Variants in MKLN1 observed in about 807,000 individuals in gnomAD.
The protein encoded by MKLN1 is muskelin.
MKLN1 carries 18 observed loss-of-function variants against 99.0 expected under a neutral mutation model. The ratio of observed to expected loss-of-function variants is 0.18; its 90% confidence interval spans 0.13 to 0.27. MKLN1 has a LOEUF of 0.27. MKLN1 is among the 10% of genes least tolerant of loss of function. MKLN1 has a pLI of 1.00. For missense variants in MKLN1, 621 were observed against 875.9 expected, an observed-to-expected ratio of 0.71 and a Z score of 3.67; for synonymous variants, 288 against 293.2, an observed-to-expected ratio of 0.98 and a Z score of 0.18.
At chr7:131,450,558 C>G (rs570227059) in intron 12 of MKLN1, among the ~76,000 whole-genome samples, 1 of 152,258 alleles carries the variant, frequency 6.6e-6, no homozygotes, top group South Asian at 2.1e-4. Flanking sequence ...TTTTAGTTCT[C>G]CAGTCCTAGT....
chr7:131,417,522 T>C (rs1461059663), intron 8 of MKLN1, among the ~76,000 whole-genome samples: 1 of 152,186 alleles, frequency 6.6e-6, no homozygotes, highest in Non-Finnish European at 1.5e-5. Flanking sequence ...TTGCCACATA[T>C]AGTGTGGAAA....
intron 3 of MKLN1, among the ~76,000 whole-genome samples, chr7:131,291,101 T>TTTA (rs1554547693): frequency 7.4e-6 from 1 of 134,842 alleles, no homozygotes; most frequent in African/African-American, 2.9e-5. Context: ...TCTCATTTTA[T>TTTA]TTTATTTATT....
At chr7:131,358,779 C>T (rs1405058143) in intron 1 of MKLN1, among the ~76,000 whole-genome samples, 1 of 152,048 alleles carries the variant, frequency 6.6e-6, no homozygotes, top group African/African-American at 2.4e-5. Context: ...GGAATTGGTC[C>T]ATTTCATTTA....
chr7:131,181,411 A>G (rs1283990656), intron 2 of MKLN1, among the ~76,000 whole-genome samples: 1 of 152,204 alleles, frequency 6.6e-6, no homozygotes, highest in African/African-American at 2.4e-5. Flanking sequence ...AACATCTATT[A>G]AAAATTAGGC....
chr7:131,485,263 T>G (rs1269461635), intron 17 of MKLN1, among the ~76,000 whole-genome samples: 1 of 151,974 alleles, frequency 6.6e-6, no homozygotes. Context: ...GTAATGAGTA[T>G]AACATTGAGC....
rs970691373 is a variant in MKLN1, at chr7:131,492,940, T to C, written c.*5212T>C. ...ATTATCACTGTCTTTTTGGCTAAAGTTTTATATTGTGAACTGGATCCCACT... is the reference window on the plus strand; with the variant it reads ...ATTATCACTGTCTTTTTGGCTAAAGCTTTATATTGTGAACTGGATCCCACT... On this transcript the variant is annotated 3_prime_UTR_variant, in exon 18 of 18. Coordinates refer to ENST00000352689, the MANE Select transcript of MKLN1 (RefSeq NM_013255.5). The C allele has an allele frequency of 6.6e-6, 1 of 152,018 alleles. No homozygotes were observed. The highest frequency in any genetic ancestry group is 1.5e-5 in the Non-Finnish European group (1 of 67,998). 9.4% of individuals were successfully genotyped at this position (152,018 alleles called of 1,614,324 possible). A position where few individuals can be genotyped will look rare whatever the true frequency, so the allele number is the denominator to read the frequency against.
At position 131,489,977 on chromosome 7, in the gene MKLN1, A is replaced by C. The variant is rs1797384887; in HGVS notation, c.*2249A>C. On this transcript the variant is annotated 3_prime_UTR_variant, in exon 18 of 18. Transcript: ENST00000352689. ...AGTGAGATAGATGTACTGAGGAGAT[A>C]ATTGAAAAGTCAGACTCTGTACTGT... is the stretch of plus-strand genomic sequence containing the variant. The C allele has an allele frequency of 6.6e-6, 1 of 152,382 alleles. No homozygotes were observed. The highest frequency in any genetic ancestry group is 6.6e-5 in the Admixed American group (1 of 15,238). 9.4% of individuals were successfully genotyped at this position (152,382 alleles called of 1,614,324 possible).
chr7:131,133,819 GGTTTTTTTTTTTT>G (rs1795603535), intron 1 of MKLN1, among the ~76,000 whole-genome samples: 2 of 67,240 alleles, frequency 3.0e-5, no homozygotes, highest in Non-Finnish European at 6.2e-5. Flanking sequence ...TTTTTAATTT[GGTTTTTTTTTTTT>G]TTTTTTTTTT....
intron 3 of MKLN1, among the ~76,000 whole-genome samples, chr7:131,221,502 C>CT (rs71174930): frequency 0.13 from 15,884 of 123,780 alleles, 1,039 homozygotes; most frequent in Middle Eastern, 0.2. Flanking sequence ...GATCATGCCA[C>CT]TTTTTTTTTT....
intron 17 of MKLN1, among the ~76,000 whole-genome samples, chr7:131,479,204 A>G (rs540239172): frequency 6.6e-6 from 1 of 152,118 alleles, no homozygotes; most frequent in Non-Finnish European, 1.5e-5. Context: ...CTTTAGTCTT[A>G]ATTTAGTAAT....
At chr7:131,245,928 C>T (rs180784414) in intron 3 of MKLN1, among the ~76,000 whole-genome samples, 13 of 152,354 alleles carry the variant, frequency 8.5e-5, no homozygotes, top group Non-Finnish European at 1.5e-4. Flanking sequence ...CAGAGACCAT[C>T]CTGTCCACTC....
chr7:131,429,243 CAGT>C, intron 9 of MKLN1, 98 bp downstream of exon 9: 1 of 706,506 alleles, frequency 1.4e-6, no homozygotes, highest in Non-Finnish European at 2.3e-6. Context: ...TGTCTGTCAG[CAGT>C]AGTAGCAATA....
intron 3 of MKLN1, among the ~76,000 whole-genome samples, chr7:131,238,792 T>A (rs1797360668): frequency 1.3e-5 from 2 of 152,212 alleles, no homozygotes; most frequent in Admixed American, 1.3e-4. Flanking sequence ...TCTCCCACCT[T>A]CACGTCTTCA....
At chr7:131,211,826 G>A (rs1796910703) in intron 3 of MKLN1, among the ~76,000 whole-genome samples, 1 of 152,118 alleles carries the variant, frequency 6.6e-6, no homozygotes, top group Non-Finnish European at 1.5e-5. Context: ...CACTGTTTAT[G>A]TATCCCAAGT....
intron 2 of MKLN1, among the ~76,000 whole-genome samples, chr7:131,196,860 T>G (rs1796653332): frequency 6.6e-6 from 1 of 152,014 alleles, no homozygotes. Context: ...TGGGAATGGG[T>G]TGGGTAAGCA....
chr7:131,431,829 G>A (rs1432591161), intron 9 of MKLN1, among the ~76,000 whole-genome samples: 1 of 152,178 alleles, frequency 6.6e-6, no homozygotes, highest in Non-Finnish European at 1.5e-5. Flanking sequence ...CCATGTGCCA[G>A]TTAAAGTTGC....
chr7:131,295,569 A>G (rs1798278711), intron 3 of MKLN1, among the ~76,000 whole-genome samples: 1 of 152,046 alleles, frequency 6.6e-6, no homozygotes, highest in Non-Finnish European at 1.5e-5. Context: ...CATAAAGAAT[A>G]GGAACAAATA....
chr7:131,486,419 A>C (rs1198761494), intron 17 of MKLN1, among the ~76,000 whole-genome samples: 1 of 152,158 alleles, frequency 6.6e-6, no homozygotes, highest in African/African-American at 2.4e-5. Context: ...CTCAAACTTA[A>C]AACAATATAT....
chr7:131,232,263 T>C (rs535514353), intron 3 of MKLN1, among the ~76,000 whole-genome samples: 4 of 152,184 alleles, frequency 2.6e-5, no homozygotes, highest in African/African-American at 7.2e-5. Context: ...TGATTAAAGA[T>C]GTCAGAACAA....
Sources: gnomAD v4.1 joint callset for allele counts (sites outside exome capture counted in the v4.1 genomes callset) on GRCh38, gnomAD v4.1.1 for gene constraint, MANE v1.5 for transcripts, NCBI Gene and HGNC (gene_info 2026-07-23, HGNC 2026-07-21) for gene names.